The following ASIC4 variants were observed in gnomAD, a reference collection of about 807,000 sequenced individuals.
ASIC4 encodes the protein acid sensing ion channel subunit family member 4, also known as acid-sensing ion channel 4.
Under a neutral mutation model 53.4 loss-of-function variants are expected in ASIC4, and 28 were observed. The observed-to-expected ratio is 0.52, with a 90% confidence interval of 0.39 to 0.72. The LOEUF is 0.72. Among genes scored for constraint, ASIC4 ranks in the 30% least tolerant of loss-of-function variants. The probability of loss-of-function intolerance (pLI) is 0.00; values close to 1 mark genes in which losing one functional copy is unlikely to be tolerated. For missense variants in ASIC4, 649 were observed against 729.7 expected, an observed-to-expected ratio of 0.89 and a Z score of 1.27; for synonymous variants, 289 against 301.4, an observed-to-expected ratio of 0.96 and a Z score of 0.43.
At position 219,514,918 on chromosome 2, in the gene ASIC4, T is replaced by G; in HGVS notation, c.194T>G (p.Leu65Arg). Residue 65 changes from leucine (L) to arginine (R), a missense_variant, in exon 1 of 10, where the codon CTG (leucine) becomes CGG (arginine). By Grantham distance (102) the Leu-to-Arg change is moderately radical. Transcript: ENST00000358078. ...GRACGPGPHGLRRTLWALALL... is the reference protein window; with the variant it reads ...GRACGPGPHGRRRTLWALALL... ...GCCTGTGGCCCAGGCCCCCACGGAC[T>G]GCGCAGAACCCTGTGGGCACTGGCC... 1 of 1,612,744 alleles carries G rather than the reference T, an allele frequency of 6.2e-7. No individual in the cohort carries two copies. The highest frequency in any genetic ancestry group is 8.5e-7 in the Non-Finnish European group (1 of 1,179,834).
upstream of ASIC4, among the ~76,000 whole-genome samples, chr2:219,510,366 T>C (rs1289868971): frequency 6.6e-6 from 1 of 152,104 alleles, no homozygotes; most frequent in Admixed American, 6.5e-5. This position sits in a 1 kb window ranked among gnomAD's most constrained non-coding sequence, Gnocchi z 5.2. Context: ...GGCCAGCCTG[T>C]CTCTGCCACT....
At position 219,537,393 on chromosome 2, in the gene ASIC4, C is replaced by A; in HGVS notation, c.1401+72C>A. 1 of 1,496,296 alleles carries A rather than the reference C, an allele frequency of 6.7e-7. No homozygotes were observed. Among genetic ancestry groups the A allele is most frequent in the South Asian group, 1.2e-5 (1 of 83,778 alleles). The allele number at this position is 1,496,296 out of a possible 1,614,324, so 92.7% of individuals were successfully genotyped here. A position where few individuals can be genotyped will look rare whatever the true frequency, so the allele number is the denominator to read the frequency against. ...AGCAGAAGGGGGCAGTGCGGGGTGC[C>A]TGGTGGAGCTGGCCTGGCTGGAAAG... On this transcript the variant is annotated intron_variant, in intron 8 of 9. Transcript: ENST00000358078. The surrounding 1 kb of genome is among the most constrained non-coding windows in gnomAD (Gnocchi z 4.9).
In ASIC4 at chr2:219,514,482, G is replaced by C. The variant is rs373539816; in HGVS notation, c.-243G>C. ...TAAGGGAAGCCACAAGGAGACGATCGAGGAGAGAGACAAGCGGCAGCAGAG... is the reference window on the plus strand; with the variant it reads ...TAAGGGAAGCCACAAGGAGACGATCCAGGAGAGAGACAAGCGGCAGCAGAG... On this transcript the variant is annotated 5_prime_UTR_variant, in exon 1 of 10. Coordinates refer to ENST00000358078, the MANE Select transcript of ASIC4 (RefSeq NM_018674.6). 15 of 1,550,704 alleles carry C rather than the reference G, an allele frequency of 9.7e-6. No homozygotes were observed. In the East Asian group the frequency reaches 2.4e-4, roughly 25 times the overall value.
chr2:219,521,048 C>A (rs1306580665), intron 1 of ASIC4, among the ~76,000 whole-genome samples: 4 of 152,318 alleles, frequency 2.6e-5, no homozygotes, highest in Admixed American at 2.0e-4. Context: ...ACCCACCCTC[C>A]CCACCTTCCA....
rs1383476897 is a variant in ASIC4 at position 219,538,258 on chromosome 2, A to C, written c.*212A>C. The C allele has an allele frequency of 1.8e-6, 1 of 568,468 alleles. No individual in the cohort carries two copies. The allele number at this position is 568,468 out of a possible 1,614,324, so 35.2% of individuals were successfully genotyped here. On this transcript the variant is annotated 3_prime_UTR_variant, in exon 10 of 10. Transcript: ENST00000358078. ...CTTATCCCCAGGCTGGTGCCCCGGGAGGGCTGGAGACCAGGCCATGGGCCC... is the reference window on the plus strand; with the variant it reads ...CTTATCCCCAGGCTGGTGCCCCGGGCGGGCTGGAGACCAGGCCATGGGCCC...
At position 219,538,044 on chromosome 2, in the gene ASIC4, T is replaced by C; in HGVS notation, c.1618T>C (p.Ter540GlnextTer108). The change falls in exon 10 of 10, where the codon TAG becomes CAG. Residue 540 changes from the stop codon to glutamine (Q), a stop_lost. Transcript: ENST00000358078. ...PGGLFEDFAC[*>Q] ...AGGTCTCTTTGAAGATTTTGCTTGC[T>C]AGGACGGTGCTGTGACTGAAAGGAC... is the stretch of plus-strand genomic sequence containing the variant. 6.2e-7 allele frequency: 1 copy of C among 1,611,666 alleles called. No homozygotes were observed. The highest frequency in any genetic ancestry group is 2.2e-5 in the East Asian group (1 of 44,830).
Position 219,514,622 on chromosome 2 carries a change from A to G in ASIC4, c.-103A>G. ...TCTTCCCGCTTGCCCTGAGTTTAGA[A>G]GAGCAGCCGCTGCCACCACTGCCAC... On this transcript the variant is annotated 5_prime_UTR_variant, in exon 1 of 10. Coordinates refer to ENST00000358078, the MANE Select transcript of ASIC4 (RefSeq NM_018674.6). 6.2e-7 allele frequency: 1 copy of G among 1,608,940 alleles called. No individual in the cohort carries two copies. The highest frequency in any genetic ancestry group is 8.5e-7 in the Non-Finnish European group (1 of 1,177,624).
In ASIC4 at chr2:219,523,852, G is replaced by T. The variant is rs181238640; in HGVS notation, c.583-7906G>T. Among the ~76,000 whole-genome samples the T allele has an allele frequency of 4.1e-4, 62 of 150,862 alleles. 1 individual carries two copies. The East Asian group carries it at 0.011, about 27-fold the overall frequency. ...TTTTTTTTTTTTGAGACAGGGTCAC[G>T]CTCTGTTGCCCAGGCTGGAGTGCAG... On this transcript the variant is annotated intron_variant, in intron 1 of 9. Coordinates refer to ENST00000358078, the MANE Select transcript of ASIC4 (RefSeq NM_018674.6).
At chr2:219,522,184 C>T (rs1050764493) in intron 1 of ASIC4, among the ~76,000 whole-genome samples, 1 of 152,156 alleles carries the variant, frequency 6.6e-6, no homozygotes, top group Admixed American at 6.5e-5. Flanking sequence ...GCTGCAGCAG[C>T]CGAGGCGGCA....
At chr2:219,513,023 G>C (rs79748033), upstream of ASIC4, among the ~76,000 whole-genome samples, 1 of 152,308 alleles carries the variant, frequency 6.6e-6, no homozygotes, top group Admixed American at 6.5e-5. Flanking sequence ...CAGAGGCTGC[G>C]GGGCCAGGCC....
Position 219,532,944 on chromosome 2 carries a change from G to A in ASIC4, c.1075+5G>A, listed in dbSNP as rs778870199. 5 of 1,613,776 alleles carry A rather than the reference G, an allele frequency of 3.1e-6. No individual in the cohort carries two copies. The highest frequency in any genetic ancestry group is 2.2e-5 in the South Asian group (2 of 91,078). ...AGTGTGCAGACCACACACTGGGTCC[G>A]TGCTGCCTACCCTTTCCTACCTCTC... On this transcript the variant is annotated splice_donor_5th_base_variant and intron_variant, in intron 5 of 9. Coordinates refer to ENST00000358078, the MANE Select transcript of ASIC4 (RefSeq NM_018674.6).
rs1559114794 is a variant in ASIC4, at chr2:219,518,524, C to G, written c.582+3218C>G. Among the ~76,000 whole-genome samples the G allele has an allele frequency of 1.3e-5, 2 of 148,942 alleles. No individual in the cohort carries two copies. The highest frequency in any genetic ancestry group is 5.2e-5 in the African/African-American group (2 of 38,516). On this transcript the variant is annotated intron_variant, in intron 1 of 9. Transcript: ENST00000358078. The surrounding 1 kb of genome is among the most constrained non-coding windows in gnomAD (Gnocchi z 4.8). ...TAGTTTACCTCTGCTCCTCTCTTCT[C>G]CCTCCCCTCTTCACTCAGTCTCATA...
chr2:219,513,734 C>A (rs1694731780), upstream of ASIC4, among the ~76,000 whole-genome samples: 1 of 152,232 alleles, frequency 6.6e-6, no homozygotes, highest in South Asian at 2.1e-4. Flanking sequence ...TGCAAGCTGG[C>A]CAGGGTGCTG....
upstream of ASIC4, among the ~76,000 whole-genome samples, chr2:219,510,087 C>T (rs1694681355): frequency 2.0e-5 from 3 of 152,010 alleles, no homozygotes; most frequent in African/African-American, 7.3e-5. This position sits in a 1 kb window ranked among gnomAD's most constrained non-coding sequence, Gnocchi z 5.2. Flanking sequence ...CTCTCCCCGT[C>T]GATGACCACC....
intron 1 of ASIC4, among the ~76,000 whole-genome samples, chr2:219,531,555 G>C (rs1484120950): frequency 6.6e-6 from 1 of 152,206 alleles, no homozygotes; most frequent in Non-Finnish European, 1.5e-5. Flanking sequence ...TGTTGGGTTG[G>C]AGATGCTTTC....
Position 219,532,001 on chromosome 2 carries a change from A to T in ASIC4, c.728A>T (p.Asn243Ile). The change falls in exon 3 of 10, where the codon AAT becomes ATT. Residue 243 changes from asparagine (N) to isoleucine (I), a missense_variant and splice_region_variant. Asn to Ile is a moderately radical substitution (Grantham distance 149, BLOSUM62 -3). Coordinates refer to ENST00000358078, the MANE Select transcript of ASIC4 (RefSeq NM_018674.6). ...EEYLPIWRET[N>I]ETSFEAGIRV... Reference sequence around the variant, plus strand: ...AAAGGTCCCCATCTCTGCTGTGCAGATGAGACGTCGTTTGAGGCAGGTATT... The same window carrying T: ...AAAGGTCCCCATCTCTGCTGTGCAGTTGAGACGTCGTTTGAGGCAGGTATT... 1 of 1,614,186 alleles carries T rather than the reference A, an allele frequency of 6.2e-7. No individual in the cohort carries two copies. The highest frequency in any genetic ancestry group is 8.5e-7 in the Non-Finnish European group (1 of 1,180,002).
chr2:219,514,412 G>C, upstream of ASIC4: 1 of 1,549,064 alleles, frequency 6.5e-7, no homozygotes, highest in East Asian at 2.4e-5. Context: ...TCACTCGCTC[G>C]CTCGCAGGGA....
chr2:219,534,094 T>C (rs1574494924), intron 5 of ASIC4: 1 of 146,174 alleles, frequency 6.8e-6, no homozygotes, highest in South Asian at 2.2e-4. Flanking sequence ...CAAAGGCCTG[T>C]GGCAAGGCAG....
chr2:219,511,159 C>G (rs1559451166), upstream of ASIC4, among the ~76,000 whole-genome samples: 1 of 152,104 alleles, frequency 6.6e-6, no homozygotes, highest in Non-Finnish European at 1.5e-5. This position sits in a 1 kb window ranked among gnomAD's most constrained non-coding sequence, Gnocchi z 5.3. Flanking sequence ...TCTAGGAGTT[C>G]AGGGGGTCAC....
Sources: allele counts gnomAD v4.1 joint callset (sites outside exome capture counted in the v4.1 genomes callset), GRCh38; gene constraint gnomAD v4.1.1; non-coding constraint Gnocchi (gnomAD v3.1); transcripts MANE v1.5; gene names NCBI Gene and HGNC (gene_info 2026-07-23, HGNC 2026-07-21).